Variants in ST3GAL1 observed in about 807,000 individuals in gnomAD.
ST3GAL1 encodes ST3 beta-galactoside alpha-2,3-sialyltransferase 1.
A neutral mutation model predicts 34.1 loss-of-function variants in ST3GAL1; 16 were observed. The ratio of observed to expected loss-of-function variants is 0.47; its 90% CI spans 0.32 to 0.71. The LOEUF (loss-of-function observed/expected upper bound fraction) is 0.71. Ranked by LOEUF, ST3GAL1 falls within the 30% of genes least tolerant of loss-of-function variation. ST3GAL1 has a pLI of 0.04. For synonymous variants in ST3GAL1, 191 were observed against 184.7 expected (o/e 1.03, Z -0.28); for missense variants, 353 against 447.4 (o/e 0.79, Z 1.90).
chr8:133,461,943 G>T lies in ST3GAL1; in HGVS notation c.781C>A (p.Gln261Lys). Reference sequence around the variant, plus strand: ...GTAGATGGGTATCGCCCGTGCCCTTGCAGCCAGTTGTCAAAGACATACTTG... The same window carrying T: ...GTAGATGGGTATCGCCCGTGCCCTTTCAGCCAGTTGTCAAAGACATACTTG... ...FIKYVFDNWL[Q>K]GHGRYPSTGI... is the part of the protein sequence containing the mutation. Residue 261 changes from glutamine to lysine, a missense_variant, in exon 9 of 10, where the codon CAA becomes AAA. Coordinates refer to ENST00000522652, the MANE Select transcript of ST3GAL1 (RefSeq NM_173344.3). The surrounding 1 kb of genome is among the most constrained non-coding windows in gnomAD (Gnocchi z 4.7). 1.2e-6 allele frequency: 2 copies of T among 1,614,160 alleles called. No individual in the cohort carries two copies. Among genetic ancestry groups the T allele is most frequent in the Non-Finnish European group, 1.7e-6 (2 of 1,180,036 alleles).
chr8:133,556,892 G>A lies in ST3GAL1; in HGVS notation c.-581-10966C>T, dbSNP rs553907167. ...GGGAAGTGGGAGGGAGGTTGGCAGC[G>A]GTGCTATTAATGCAGGCAGGGAGAC... On this transcript the variant is annotated intron_variant, in intron 1 of 9. Transcript: ENST00000522652. The surrounding 1 kb of genome is among the most constrained non-coding windows in gnomAD (Gnocchi z 8.9). 4.3e-4 allele frequency among the ~76,000 whole-genome samples: 66 copies of A among 152,220 alleles called. No homozygotes were observed. Among genetic ancestry groups the A allele is most frequent in the Middle Eastern group, 3.4e-3 (1 of 294 alleles).
At position 133,523,618 on chromosome 8, in the gene ST3GAL1, G is replaced by A. The variant is rs115384040; in HGVS notation, c.-429+22156C>T. 3.5e-3 allele frequency among the ~76,000 whole-genome samples: 531 copies of A among 152,314 alleles called. 3 individuals are homozygous for A. Among genetic ancestry groups the A allele is most frequent in the African/African-American group, 0.011 (456 of 41,556 alleles). On this transcript the variant is annotated intron_variant, in intron 2 of 9. Transcript: ENST00000522652. Reference sequence around the variant, plus strand: ...TCCTGCTCTGTGACAAAGCAAAGTCGACTCTCATGGGACTCTCAGGACCTC... The same window carrying A: ...TCCTGCTCTGTGACAAAGCAAAGTCAACTCTCATGGGACTCTCAGGACCTC...
rs1186815166 is a variant in ST3GAL1, at chr8:133,464,883, T to G, written c.578A>C (p.Glu193Ala). Residue 193 changes from glutamate to alanine, a missense_variant, in exon 7 of 10, where the codon GAG becomes GCG. Coordinates refer to ENST00000522652, the MANE Select transcript of ST3GAL1 (RefSeq NM_173344.3). ...ATTATCTCCCAGCTCCCGGAAGCTC[T>G]CAGGGTACACCAGATGGTGGGTGGT... is the stretch of plus-strand genomic sequence containing the variant. ...TKTTHHLVYP[E>A]SFRELGDNVS... 13 of 1,614,126 alleles carry G rather than the reference T, an allele frequency of 8.1e-6. No homozygotes were observed. The highest frequency in any genetic ancestry group is 1.1e-5 in the Non-Finnish European group (13 of 1,180,004).
intron 3 of ST3GAL1, among the ~76,000 whole-genome samples, chr8:133,486,846 C>A (rs1255592294): frequency 6.6e-6 from 1 of 152,208 alleles, no homozygotes; most frequent in Non-Finnish European, 1.5e-5. Context: ...CCAGTCAGCT[C>A]CTCATCTGTA....
intron 2 of ST3GAL1, among the ~76,000 whole-genome samples, chr8:133,530,122 T>C (rs950820726): frequency 6.6e-6 from 1 of 152,134 alleles, no homozygotes; most frequent in African/African-American, 2.4e-5. Flanking sequence ...CATTTGATAA[T>C]TGAATTAATG....
intron 2 of ST3GAL1, among the ~76,000 whole-genome samples, chr8:133,540,698 T>A (rs545428424): frequency 7.5e-5 from 11 of 146,504 alleles, no homozygotes; most frequent in Admixed American, 6.9e-4. Flanking sequence ...CCACACCATA[T>A]ATATATATAC....
At chr8:133,486,563 A>C (rs1816608797) in intron 3 of ST3GAL1, among the ~76,000 whole-genome samples, 1 of 152,228 alleles carries the variant, frequency 6.6e-6, no homozygotes, top group Non-Finnish European at 1.5e-5. Flanking sequence ...TCCAAGAGAA[A>C]CAGGGCCACA....
At chr8:133,478,570 T>C (rs1049813392) in intron 3 of ST3GAL1, among the ~76,000 whole-genome samples, 1 of 152,214 alleles carries the variant, frequency 6.6e-6, no homozygotes, top group African/African-American at 2.4e-5. Context: ...CTTGAAGCAA[T>C]GTGACTGACC....
intron 2 of ST3GAL1, among the ~76,000 whole-genome samples, chr8:133,524,511 C>T (rs906957528): frequency 3.9e-5 from 6 of 152,256 alleles, no homozygotes; most frequent in African/African-American, 2.4e-5. Context: ...GCCTGCTGGG[C>T]TCATGTCACC....
chr8:133,497,974 C>A (rs1456757397), intron 3 of ST3GAL1, among the ~76,000 whole-genome samples: 3 of 152,226 alleles, frequency 2.0e-5, no homozygotes, highest in Non-Finnish European at 4.4e-5. Context: ...CTGCTGTTCC[C>A]TCTACCAAAA....
intron 2 of ST3GAL1, among the ~76,000 whole-genome samples, chr8:133,509,221 T>A (rs1299361503): frequency 6.6e-6 from 1 of 152,262 alleles, no homozygotes; most frequent in Non-Finnish European, 1.5e-5. Flanking sequence ...AGTTCCTCAG[T>A]GTCACCAGCC....
intron 2 of ST3GAL1, among the ~76,000 whole-genome samples, chr8:133,520,770 T>TG (rs1487719035): frequency 8.0e-6 from 1 of 125,750 alleles, no homozygotes; most frequent in South Asian, 3.0e-4. Context: ...TTATTTTTTG[T>TG]GGGTTTTTTT....
rs932319446 is a variant in ST3GAL1 at position 133,469,858 on chromosome 8, A to C, written c.307-3768T>G. 6.6e-6 allele frequency among the ~76,000 whole-genome samples: 1 copy of C among 152,184 alleles called. No individual in the cohort carries two copies. Among genetic ancestry groups the C allele is most frequent in the Non-Finnish European group, 1.5e-5 (1 of 68,024 alleles). On this transcript the variant is annotated intron_variant, in intron 5 of 9. Coordinates refer to ENST00000522652, the MANE Select transcript of ST3GAL1 (RefSeq NM_173344.3). This position sits in a 1 kb window ranked among gnomAD's most constrained non-coding sequence, Gnocchi z 4.3. ...TGCCTCACCTAACATCACAAGCCCC[A>C]CGCTTCAGAAATCTCAGACCCATTC...
At chr8:133,541,275 T>C (rs908344417) in intron 2 of ST3GAL1, among the ~76,000 whole-genome samples, 2 of 151,594 alleles carry the variant, frequency 1.3e-5, no homozygotes, top group Non-Finnish European at 2.9e-5. Flanking sequence ...ATTTATCTGG[T>C]GCACATTCTG....
In ST3GAL1 at chr8:133,519,783, TA is replaced by T. The variant is rs11414086; in HGVS notation, c.-428-20595del. Among the ~76,000 whole-genome samples the T allele has an allele frequency of 2.0e-5, 3 of 150,470 alleles. No homozygotes were observed. In the South Asian group the frequency reaches 6.3e-4, roughly 32 times the overall value. On this transcript the variant is annotated intron_variant, in intron 2 of 9. Transcript: ENST00000522652. ...CAACATAGTGAAACCCCATGTCTAC[TA>T]AAAAAAAATACAAACATTAGCGGGG...
chr8:133,475,748 A>G lies in ST3GAL1; in HGVS notation c.277T>C (p.Leu93=), dbSNP rs762254894. 28 of 1,608,154 alleles carry G rather than the reference A, an allele frequency of 1.7e-5. No individual in the cohort carries two copies. Among genetic ancestry groups the G allele is most frequent in the Non-Finnish European group, 2.3e-5 (27 of 1,176,208 alleles). ...QPLLTAQNAL[L]EDDTYRWWLR... ...CACCATCGGTAGGTGTCGTCCTCCA[A>G]GAGCGCGTTCTGGGCGGTCAGCAGC... Residue 93 remains leucine (L), a synonymous_variant, in exon 5 of 10, where the codon TTG becomes CTG. Coordinates refer to ENST00000522652, the MANE Select transcript of ST3GAL1 (RefSeq NM_173344.3).
intron 3 of ST3GAL1, among the ~76,000 whole-genome samples, chr8:133,481,935 C>A (rs1323160672): frequency 6.6e-6 from 1 of 152,048 alleles, no homozygotes; most frequent in African/African-American, 2.4e-5. Context: ...TGTTTTTGCT[C>A]TAGGTTCTTG....
intron 5 of ST3GAL1, among the ~76,000 whole-genome samples, chr8:133,474,902 C>T (rs1455405243): frequency 6.6e-6 from 1 of 152,188 alleles, no homozygotes; most frequent in Non-Finnish European, 1.5e-5. Flanking sequence ...TCTTCCCCTC[C>T]CAGCCAGAAT....
chr8:133,548,604 C>A (rs16904943), intron 1 of ST3GAL1, among the ~76,000 whole-genome samples: 335 of 152,318 alleles, frequency 2.2e-3, no homozygotes, highest in Middle Eastern at 6.8e-3. Flanking sequence ...AATACAGGTA[C>A]CACACTTCTA....
Sources: gnomAD v4.1 joint callset for allele counts (sites outside exome capture counted in the v4.1 genomes callset) on GRCh38, gnomAD v4.1.1 for gene constraint, Gnocchi (gnomAD v3.1) non-coding constraint, MANE v1.5 for transcripts, NCBI Gene and HGNC (gene_info 2026-07-23, HGNC 2026-07-21) for gene names.